Variants in GTF2B observed in about 807,000 individuals in gnomAD.
GTF2B encodes the protein general transcription factor IIB.
In GTF2B, 20 loss-of-function variants were observed where a neutral mutation model predicts 34.6. The ratio of observed to expected loss-of-function variants is 0.58; its 90% CI spans 0.41 to 0.84. The LOEUF is 0.84. Among genes scored for constraint, GTF2B ranks in the 40% least tolerant of loss-of-function variants. GTF2B has a pLI of 0.00. For missense variants in GTF2B, 237 were observed against 393.3 expected, an observed-to-expected ratio of 0.60 and a Z score of 3.36; for synonymous variants, 142 against 132.4, an observed-to-expected ratio of 1.07 and a Z score of -0.50.
At chr1:88,869,575 T>C (rs910940631) in intron 2 of GTF2B, among the ~76,000 whole-genome samples, 2 of 152,072 alleles carry the variant, frequency 1.3e-5, no homozygotes, top group African/African-American at 2.4e-5. Context: ...AGAACAGAAA[T>C]CAGTTCAGTG....
chr1:88,887,351 T>A lies in GTF2B; in HGVS notation c.34A>T (p.Arg12Ter). ...TCTGGATGGTTTGGACATGTGACTCTTGGAAGAGCATCCAAACTAAAAGAA... is the reference window on the plus strand; with the variant it reads ...TCTGGATGGTTTGGACATGTGACTCATGGAAGAGCATCCAAACTAAAAGAA... Reference protein sequence around the residue: ...ASTSRLDALPRVTCPNHPDAI... With the variant: ...ASTSRLDALP Residue 12 changes from arginine to a stop codon, truncating the protein, a stop_gained, in exon 2 of 7, where the codon AGA (arginine) becomes TGA (stop). Transcript: ENST00000370500. LOFTEE classifies it high-confidence loss of function. 3 of 1,606,298 alleles carry A rather than the reference T, an allele frequency of 1.9e-6. No homozygotes were observed. The highest frequency in any genetic ancestry group is 2.6e-6 in the Non-Finnish European group (3 of 1,172,940).
At chr1:88,874,003 AGAG>A (rs373715611) in intron 2 of GTF2B, among the ~76,000 whole-genome samples, 124 of 152,294 alleles carry the variant, frequency 8.1e-4, no homozygotes, top group African/African-American at 2.8e-3. Context: ...AGGATGGGGG[AGAG>A]GAGAAGTGAG....
intron 6 of GTF2B, among the ~76,000 whole-genome samples, chr1:88,855,366 T>TG (rs1673279192): frequency 6.7e-6 from 1 of 149,856 alleles, no homozygotes; most frequent in African/African-American, 2.5e-5. Context: ...TTTGTTTTTT[T>TG]TTTTTTTTTT....
intron 6 of GTF2B, among the ~76,000 whole-genome samples, chr1:88,854,715 C>T (rs1355931607): frequency 1.3e-5 from 2 of 152,174 alleles, no homozygotes; most frequent in Non-Finnish European, 2.9e-5. Context: ...AGGCTGGTCT[C>T]AAACTCCTCA....
At chr1:88,874,177 G>A (rs548321594) in intron 2 of GTF2B, among the ~76,000 whole-genome samples, 3 of 152,162 alleles carry the variant, frequency 2.0e-5, no homozygotes, top group Admixed American at 6.5e-5. Flanking sequence ...AGGGCTTATC[G>A]TGCAGGGGAA....
At chr1:88,887,110 G>A (rs1674090312) in intron 2 of GTF2B, 151 bp downstream of exon 2, 1 of 517,972 alleles carries the variant, frequency 1.9e-6, no homozygotes, top group Admixed American at 2.9e-5. Flanking sequence ...GTAGAGATGG[G>A]GTTTCTTCAT....
intron 2 of GTF2B, among the ~76,000 whole-genome samples, chr1:88,881,629 C>T (rs61766109): frequency 0.058 from 8,871 of 152,174 alleles, 367 homozygotes; most frequent in Non-Finnish European, 0.091. Flanking sequence ...ATATATTACA[C>T]ATTTAACCAC....
At chr1:88,878,511 A>G (rs573694599) in intron 2 of GTF2B, among the ~76,000 whole-genome samples, 1 of 152,386 alleles carries the variant, frequency 6.6e-6, no homozygotes, top group South Asian at 2.1e-4. Context: ...AGCTATTTAA[A>G]TACTGGGGAA....
chr1:88,888,418 C>CG (rs926392027), intron 1 of GTF2B, among the ~76,000 whole-genome samples: 4 of 152,092 alleles, frequency 2.6e-5, no homozygotes, highest in African/African-American at 7.2e-5. Context: ...ATTGGGAACA[C>CG]GGGGGGATGA....
intron 1 of GTF2B, 83 bp downstream of exon 1, chr1:88,891,400 A>C: frequency 1.9e-6 from 2 of 1,076,582 alleles, no homozygotes; most frequent in Admixed American, 4.1e-5. Flanking sequence ...GCTCAGCCCT[A>C]CGAGGCTGCC....
At chr1:88,879,210 GA>G in intron 2 of GTF2B, among the ~76,000 whole-genome samples, 1 of 151,902 alleles carries the variant, frequency 6.6e-6, no homozygotes, top group East Asian at 1.9e-4. Context: ...TTAGAGGCAG[GA>G]AAAAAGGTAT....
intron 6 of GTF2B, among the ~76,000 whole-genome samples, chr1:88,855,350 T>C (rs542180087): frequency 1.3e-3 from 195 of 150,960 alleles, no homozygotes; most frequent in Non-Finnish European, 2.4e-3. Context: ...TAATTCACTT[T>C]CTGTTTTTGT....
Position 88,853,427 on chromosome 1 carries a change from T to C in GTF2B, c.818-81A>G. On this transcript the variant is annotated intron_variant, in intron 6 of 6. Transcript: ENST00000370500. ...TACCTGCATTGTAATTTGTGAGATA[T>C]GATAGTATAAAGTGCCAAACTTAAA... 4 of 1,296,528 alleles carry C rather than the reference T, an allele frequency of 3.1e-6. No individual in the cohort carries two copies. The South Asian group carries it at 3.7e-5, about 12-fold the overall frequency. The allele number at this position is 1,296,528 out of a possible 1,614,324, so 80.3% of individuals were successfully genotyped here.
intron 2 of GTF2B, among the ~76,000 whole-genome samples, chr1:88,886,961 C>T (rs1280779013): frequency 4.6e-5 from 7 of 151,572 alleles, no homozygotes; most frequent in South Asian, 2.1e-4. Flanking sequence ...CTCTGTTGCT[C>T]GGGCTAGAGT....
At chr1:88,859,615 C>T (rs1035518377) in intron 5 of GTF2B, among the ~76,000 whole-genome samples, 3 of 152,116 alleles carry the variant, frequency 2.0e-5, no homozygotes, top group Admixed American at 2.0e-4. Flanking sequence ...GTGGGCAGAT[C>T]ACCTGAGGTC....
intron 1 of GTF2B, among the ~76,000 whole-genome samples, chr1:88,889,436 C>G (rs1231223341): frequency 6.6e-6 from 1 of 152,202 alleles, no homozygotes; most frequent in Non-Finnish European, 1.5e-5. Flanking sequence ...ACTCAAGTAC[C>G]AGATAATCCC....
chr1:88,862,507 T>C (rs781037526), intron 3 of GTF2B, among the ~76,000 whole-genome samples: 1 of 152,162 alleles, frequency 6.6e-6, no homozygotes, highest in Non-Finnish European at 1.5e-5. Context: ...AAGCTACTGC[T>C]GCACTCCCAC....
At chr1:88,879,984 G>A (rs910607808) in intron 2 of GTF2B, among the ~76,000 whole-genome samples, 4 of 151,968 alleles carry the variant, frequency 2.6e-5, no homozygotes, top group African/African-American at 4.8e-5. Flanking sequence ...GCCTGAACCC[G>A]GGAGGTGGAG....
chr1:88,886,701 T>A (rs939575595), intron 2 of GTF2B, among the ~76,000 whole-genome samples: 4 of 152,210 alleles, frequency 2.6e-5, no homozygotes, highest in African/African-American at 9.6e-5. Flanking sequence ...ATGAAATTAC[T>A]GGGGCCTTTT....
Sources: gnomAD v4.1 joint callset for allele counts (sites outside exome capture counted in the v4.1 genomes callset) on GRCh38, gnomAD v4.1.1 for gene constraint, MANE v1.5 for transcripts, NCBI Gene and HGNC (gene_info 2026-07-23, HGNC 2026-07-21) for gene names.